The following COL28A1 variants were observed in gnomAD, a reference collection of about 807,000 sequenced individuals.
COL28A1 encodes collagen alpha-1(XXVIII) chain.
In COL28A1, 161 loss-of-function variants were observed where a neutral mutation model predicts 150.2. The ratio of observed to expected loss-of-function variants is 1.07; its 90% CI spans 0.94 to 1.22. COL28A1 has a LOEUF of 1.22. Ranked by LOEUF, COL28A1 falls within the 50% of genes most tolerant of loss-of-function variation. The pLI is 0.00. For synonymous variants in COL28A1, 552 were observed against 469.7 expected, an observed-to-expected ratio of 1.18 and a Z score of -2.26; for missense variants, 1,617 against 1,388.3, an observed-to-expected ratio of 1.16 and a Z score of -2.62.
chr7:7,450,343 A>AAT (rs1219012477), intron 18 of COL28A1, among the ~76,000 whole-genome samples: 1 of 152,232 alleles, frequency 6.6e-6, no homozygotes, highest in African/African-American at 2.4e-5. Flanking sequence ...TATCTTTATC[A>AAT]ATCTCAGGTC....
At chr7:7,406,777 TTGAG>T (rs1369843166) in intron 27 of COL28A1, among the ~76,000 whole-genome samples, 2 of 152,100 alleles carry the variant, frequency 1.3e-5, no homozygotes, top group African/African-American at 4.8e-5. Context: ...TCTGATTGTA[TTGAG>T]TGAGATAAAG....
chr7:7,457,212 G>A (rs909631347), intron 15 of COL28A1, among the ~76,000 whole-genome samples: 14 of 152,164 alleles, frequency 9.2e-5, no homozygotes, highest in Non-Finnish European at 2.1e-4. Context: ...AGGGAAGTGA[G>A]AGATCTGACT....
At chr7:7,443,274 C>T (rs1398426989) in intron 20 of COL28A1, among the ~76,000 whole-genome samples, 1 of 152,144 alleles carries the variant, frequency 6.6e-6, no homozygotes, top group African/African-American at 2.4e-5. Context: ...TATGGACTGT[C>T]AAATCTCAAC....
At chr7:7,528,525 G>C (rs550693191) in intron 3 of COL28A1, among the ~76,000 whole-genome samples, 21 of 152,168 alleles carry the variant, frequency 1.4e-4, no homozygotes, top group African/African-American at 5.1e-4. Flanking sequence ...CTGTATACTC[G>C]TGTCCATTAA....
At position 7,446,591 on chromosome 7, in the gene COL28A1, G is replaced by A. The variant is rs547080182; in HGVS notation, c.1510-2102C>T. 1.1e-4 allele frequency among the ~76,000 whole-genome samples: 17 copies of A among 152,214 alleles called. No individual in the cohort carries two copies. The East Asian group carries it at 1.2e-3, about 10-fold the overall frequency. ...TCTAAAAAAAATAGAAAAGAGGGAC[G>A]TCTACCTAATTTATTTTATGAGGCT... On this transcript the variant is annotated intron_variant, in intron 18 of 34. Coordinates refer to ENST00000399429, the MANE Select transcript of COL28A1 (RefSeq NM_001037763.3).
intron 15 of COL28A1, among the ~76,000 whole-genome samples, chr7:7,471,254 G>A (rs940287012): frequency 3.3e-5 from 5 of 150,790 alleles, no homozygotes; most frequent in Non-Finnish European, 5.9e-5. Context: ...AACAAAAAAT[G>A]TCCAGGACTA....
At chr7:7,354,446 C>T (rs777915802), downstream of COL28A1, among the ~76,000 whole-genome samples, 10 of 152,116 alleles carry the variant, frequency 6.6e-5, no homozygotes, top group Non-Finnish European at 1.0e-4. Flanking sequence ...TTATTAGAGG[C>T]TACTCTTATT....
At chr7:7,509,145 T>A (rs1780986372) in intron 9 of COL28A1, among the ~76,000 whole-genome samples, 1 of 151,918 alleles carries the variant, frequency 6.6e-6, no homozygotes, top group Non-Finnish European at 1.5e-5. Context: ...ATTTTGTTTT[T>A]TTTGAGACAG....
At chr7:7,381,708 T>A in intron 27 of COL28A1, 96 bp from the exon 28 acceptor site, 2 of 767,690 alleles carry the variant, frequency 2.6e-6, no homozygotes, top group Non-Finnish European at 4.6e-6. Flanking sequence ...AAAACTGCAT[T>A]ATAGTATTAT....
chr7:7,379,017 C>A (rs920528175), intron 30 of COL28A1, among the ~76,000 whole-genome samples: 2 of 152,220 alleles, frequency 1.3e-5, no homozygotes, highest in African/African-American at 4.8e-5. Flanking sequence ...CAGGCCAGTG[C>A]TTCAGCTCTC....
chr7:7,350,850 T>G, the COL28A1 span, among the ~76,000 whole-genome samples: 1 of 152,134 alleles, frequency 6.6e-6, no homozygotes, highest in Admixed American at 6.6e-5. Context: ...AGGAAATAAC[T>G]GGAACATTCC....
At chr7:7,476,532 C>T (rs1371869182) in intron 14 of COL28A1, among the ~76,000 whole-genome samples, 3 of 152,204 alleles carry the variant, frequency 2.0e-5, no homozygotes, top group Non-Finnish European at 4.4e-5. Flanking sequence ...ATATGGCTCA[C>T]AAAGCCTAAA....
At chr7:7,407,862 CAG>C (rs1783573302) in intron 27 of COL28A1, among the ~76,000 whole-genome samples, 1 of 151,840 alleles carries the variant, frequency 6.6e-6, no homozygotes, top group Non-Finnish European at 1.5e-5. Context: ...GTAAAGTAAA[CAG>C]AATTTAAGTG....
At chr7:7,339,252 T>G in the COL28A1 span, among the ~76,000 whole-genome samples, 1 of 152,174 alleles carries the variant, frequency 6.6e-6, no homozygotes, top group Non-Finnish European at 1.5e-5. Context: ...CTAAATTAAT[T>G]GAAATAACAT....
In COL28A1 at chr7:7,370,786, C is replaced by T. The variant is rs1325145713; in HGVS notation, c.3005G>A (p.Gly1002Glu). 6.2e-7 allele frequency: 1 copy of T among 1,613,534 alleles called. No individual in the cohort carries two copies. Among genetic ancestry groups the T allele is most frequent in the Non-Finnish European group, 8.5e-7 (1 of 1,179,758 alleles). Residue 1002 changes from glycine to glutamate, a missense_variant, in exon 33 of 35, where the codon GGG (glycine) becomes GAG (glutamate). Transcript: ENST00000399429. ...TTCACTGAGTTCTTCCCCTGACATC[C>T]CAAATCCAGGTTGAGGTGACGATGA... ...FGSSSPQPGF[G>E]MSGEELSEST... is the part of the protein sequence containing the mutation.
chr7:7,436,505 A>T (rs780147995), intron 22 of COL28A1, 42 bp from the exon 23 acceptor site: 1 of 943,452 alleles, frequency 1.1e-6, no homozygotes. Flanking sequence ...CAGTTGTGCG[A>T]GAAATCACAA....
intron 33 of COL28A1, among the ~76,000 whole-genome samples, chr7:7,361,169 G>A (rs79252925): frequency 0.017 from 2,577 of 152,192 alleles, 80 homozygotes; most frequent in African/African-American, 0.058. Context: ...TAACATATAA[G>A]ATGCTCTAAG....
chr7:7,479,039 C>T (rs1451903609), intron 13 of COL28A1, among the ~76,000 whole-genome samples: 1 of 152,224 alleles, frequency 6.6e-6, no homozygotes, highest in Admixed American at 6.5e-5. Context: ...GAGTGGGCAC[C>T]GAGGCTGAGG....
At chr7:7,542,915 T>A in the COL28A1 span, among the ~76,000 whole-genome samples, 6 of 152,142 alleles carry the variant, frequency 3.9e-5, no homozygotes, top group Non-Finnish European at 7.4e-5. Flanking sequence ...GCTTAGTACC[T>A]AATTGGCCTA....
Sources: allele counts gnomAD v4.1 joint callset (sites outside exome capture counted in the v4.1 genomes callset), GRCh38; gene constraint gnomAD v4.1.1; transcripts MANE v1.5; gene names NCBI Gene and HGNC (gene_info 2026-07-23, HGNC 2026-07-21).